The following CCDC73 variants were observed in gnomAD, a reference collection of about 807,000 sequenced individuals.
CCDC73 encodes the protein coiled-coil domain-containing protein 73.
A neutral mutation model predicts 116.5 loss-of-function variants in CCDC73; 95 were observed. That is an observed-to-expected ratio of 0.82 (90% CI 0.69 to 0.97). The LOEUF (loss-of-function observed/expected upper bound fraction) is 0.97. Ranked by LOEUF, CCDC73 falls within the 50% of genes least tolerant of loss-of-function variation. The pLI is 0.00. For synonymous variants in CCDC73, 398 were observed against 401.3 expected, an observed-to-expected ratio of 0.99 and a Z score of 0.10; for missense variants, 1,066 against 1,206.8, an observed-to-expected ratio of 0.88 and a Z score of 1.73.
intron 2 of CCDC73, among the ~76,000 whole-genome samples, chr11:32,723,896 A>G (rs1401639630): frequency 6.6e-6 from 1 of 152,120 alleles, no homozygotes; most frequent in Non-Finnish European, 1.5e-5. Flanking sequence ...AACTTTTAAA[A>G]GCTGCTTAAA....
At chr11:32,726,196 G>C (rs1370728005) in intron 2 of CCDC73, among the ~76,000 whole-genome samples, 1 of 151,790 alleles carries the variant, frequency 6.6e-6, no homozygotes, top group Non-Finnish European at 1.5e-5. Context: ...CTGGAGATAG[G>C]GTCAAATGAC....
At chr11:32,828,613 T>C in the CCDC73 span, among the ~76,000 whole-genome samples, 1 of 152,140 alleles carries the variant, frequency 6.6e-6, no homozygotes, top group African/African-American at 2.4e-5. Flanking sequence ...CAAAGAACTG[T>C]TAAGCACGTT....
chr11:32,711,406 A>G (rs969719411), intron 3 of CCDC73, among the ~76,000 whole-genome samples: 3 of 152,228 alleles, frequency 2.0e-5, no homozygotes, highest in African/African-American at 7.2e-5. Flanking sequence ...CCCATCAATC[A>G]ACAAGTAGAT....
chr11:32,635,215 G>A (rs1853251345), intron 14 of CCDC73, among the ~76,000 whole-genome samples: 1 of 152,084 alleles, frequency 6.6e-6, no homozygotes, highest in African/African-American at 2.4e-5. Flanking sequence ...TTGAGACATT[G>A]ATTCTAAAAG....
intron 6 of CCDC73, among the ~76,000 whole-genome samples, chr11:32,691,601 G>C (rs1856259224): frequency 6.6e-6 from 1 of 152,052 alleles, no homozygotes; most frequent in South Asian, 2.1e-4. Flanking sequence ...ATTTTGGATA[G>C]CCGTCCTTTG....
intron 2 of CCDC73, among the ~76,000 whole-genome samples, chr11:32,742,706 T>C (rs547641762): frequency 6.6e-6 from 1 of 152,308 alleles, no homozygotes; most frequent in East Asian, 1.9e-4. Flanking sequence ...TTGCTTTTCG[T>C]GTTTTAGACA....
intron 1 of CCDC73, among the ~76,000 whole-genome samples, chr11:32,769,477 G>A (rs572448602): frequency 8.5e-5 from 13 of 152,292 alleles, no homozygotes; most frequent in African/African-American, 2.9e-4. Context: ...AAGAGGAAGA[G>A]CAGAACATTC....
intron 2 of CCDC73, among the ~76,000 whole-genome samples, chr11:32,743,026 G>T (rs998618250): frequency 6.6e-6 from 1 of 152,090 alleles, no homozygotes; most frequent in African/African-American, 2.4e-5. Context: ...TATCTGTTTT[G>T]GTACCAGTAC....
At chr11:32,726,012 A>C (rs1035318660) in intron 2 of CCDC73, among the ~76,000 whole-genome samples, 1 of 152,202 alleles carries the variant, frequency 6.6e-6, no homozygotes, top group Admixed American at 6.5e-5. Flanking sequence ...ACAAAGACGA[A>C]AACAGCTTCC....
chr11:32,659,674 T>C (rs887412201), intron 9 of CCDC73, among the ~76,000 whole-genome samples: 3 of 152,224 alleles, frequency 2.0e-5, no homozygotes, highest in African/African-American at 7.2e-5. Flanking sequence ...CTTAGGATGC[T>C]TTAGCTATAA....
intron 2 of CCDC73, among the ~76,000 whole-genome samples, chr11:32,751,062 G>A (rs1433212260): frequency 6.6e-6 from 1 of 152,190 alleles, no homozygotes; most frequent in East Asian, 1.9e-4. Flanking sequence ...TTCCCTTCAA[G>A]GCAGCAGGTT....
At chr11:32,715,262 T>C (rs1849934424) in intron 3 of CCDC73, among the ~76,000 whole-genome samples, 1 of 152,152 alleles carries the variant, frequency 6.6e-6, no homozygotes, top group Admixed American at 6.5e-5. Context: ...GTCCAATTAC[T>C]AATGGAAATT....
chr11:32,736,690 T>C (rs1242687647), intron 2 of CCDC73, among the ~76,000 whole-genome samples: 3 of 151,856 alleles, frequency 2.0e-5, no homozygotes, highest in Non-Finnish European at 4.4e-5. Flanking sequence ...TAAATCATGC[T>C]GCTGTAAAGA....
At chr11:32,799,555 T>A (rs1298365888), upstream of CCDC73, among the ~76,000 whole-genome samples, 2 of 152,204 alleles carry the variant, frequency 1.3e-5, no homozygotes, top group Non-Finnish European at 2.9e-5. Flanking sequence ...TAACATAGAT[T>A]AAAGCCTCAG....
chr11:32,777,261 C>T (rs1850545969), intron 1 of CCDC73, among the ~76,000 whole-genome samples: 1 of 151,372 alleles, frequency 6.6e-6, no homozygotes, highest in Non-Finnish European at 1.5e-5. Flanking sequence ...TGTGCCACCA[C>T]ACCCGGCTAA....
intron 14 of CCDC73, among the ~76,000 whole-genome samples, chr11:32,629,770 C>CAA (rs33970031): frequency 0.19 from 22,647 of 121,392 alleles, 2,215 homozygotes; most frequent in South Asian, 0.3. Context: ...CAATGCAAGC[C>CAA]AAAAAAAAAA....
intron 14 of CCDC73, among the ~76,000 whole-genome samples, chr11:32,620,480 G>A (rs11031898): frequency 0.1 from 15,400 of 151,670 alleles, 1,052 homozygotes; most frequent in Non-Finnish European, 0.15. Context: ...GCGTGGTGGC[G>A]GATGCCTGTA....
At chr11:32,709,359 T>C (rs1305822003) in intron 3 of CCDC73, among the ~76,000 whole-genome samples, 1 of 152,118 alleles carries the variant, frequency 6.6e-6, no homozygotes. Context: ...AGTGCAGTAA[T>C]GTGATCTTGG....
intron 2 of CCDC73, among the ~76,000 whole-genome samples, chr11:32,736,801 C>T (rs1850134217): frequency 5.3e-5 from 8 of 151,778 alleles, no homozygotes; most frequent in Admixed American, 5.3e-4. Context: ...GAAAATGTGG[C>T]ACATATACAC....
Sources: gnomAD v4.1 joint callset for allele counts (sites outside exome capture counted in the v4.1 genomes callset) on GRCh38, gnomAD v4.1.1 for gene constraint, MANE v1.5 for transcripts, NCBI Gene and HGNC (gene_info 2026-07-23, HGNC 2026-07-21) for gene names.